RNF2: variants seen among roughly 807,000 people sequenced by gnomAD.
RNF2 encodes E3 ubiquitin-protein ligase RING2.
In RNF2, 6 loss-of-function variants were observed where a neutral mutation model predicts 37.2. The ratio of observed to expected loss-of-function variants is 0.16; its 90% CI spans 0.09 to 0.32. The LOEUF (loss-of-function observed/expected upper bound fraction) is 0.32. Ranked by LOEUF, RNF2 falls within the 10% of genes least tolerant of loss-of-function variation. The pLI is 1.00. For missense variants in RNF2, 251 were observed against 404.0 expected (o/e 0.62, Z 3.25); for synonymous variants, 133 against 132.7 (o/e 1.00, Z -0.02).
intron 1 of RNF2, among the ~76,000 whole-genome samples, chr1:185,062,893 A>G (rs1361544559): frequency 6.6e-6 from 1 of 152,126 alleles, no homozygotes; most frequent in Non-Finnish European, 1.5e-5. Context: ...AAAACAACAA[A>G]GAAGTATCAT....
At position 185,100,342 on chromosome 1, in the gene RNF2, C is replaced by G; in HGVS notation, c.*41C>G. 2 of 1,321,642 alleles carry G rather than the reference C, an allele frequency of 1.5e-6. No individual in the cohort carries two copies. Among genetic ancestry groups the G allele is most frequent in the South Asian group, 1.3e-5 (1 of 77,914 alleles). 81.9% of individuals were successfully genotyped at this position (1,321,642 alleles called of 1,614,324 possible). A position where few individuals can be genotyped will look rare whatever the true frequency, so the allele number is the denominator to read the frequency against. ...TTCTGAGACTGAACTTTTTTATAGCCTATTTCTTTAATATTAAAGATGTAC... is the reference window on the plus strand; with the variant it reads ...TTCTGAGACTGAACTTTTTTATAGCGTATTTCTTTAATATTAAAGATGTAC... On this transcript the variant is annotated 3_prime_UTR_variant, in exon 7 of 7. Transcript: ENST00000367510.
chr1:185,099,416 A>G (rs924482601), intron 5 of RNF2, among the ~76,000 whole-genome samples: 11 of 152,114 alleles, frequency 7.2e-5, no homozygotes, highest in African/African-American at 1.9e-4. Flanking sequence ...ATTTGCTTCT[A>G]TTCTGTTTCT....
chr1:185,086,350 A>G (rs1332625360), intron 1 of RNF2, among the ~76,000 whole-genome samples: 7 of 152,122 alleles, frequency 4.6e-5, no homozygotes, highest in South Asian at 2.1e-4. Flanking sequence ...TCTGTGTCCC[A>G]CAAGAGTGAG....
In RNF2 at chr1:185,063,953, A is replaced by G. The variant is rs189791802; in HGVS notation, c.-3+18304A>G. On this transcript the variant is annotated intron_variant, in intron 1 of 6. Transcript: ENST00000367510. ...CAGTTACATTGTGCCAAACCTGGAT[A>G]ATCCAGGATAATCTCCCCATCTTAA... is the stretch of plus-strand genomic sequence containing the variant. Among the ~76,000 whole-genome samples, 3 of 152,282 alleles carry G rather than the reference A, an allele frequency of 2.0e-5. No individual in the cohort carries two copies. In the East Asian group the frequency reaches 5.8e-4, roughly 29 times the overall value.
chr1:185,095,403 T>A (rs898748160), intron 4 of RNF2, among the ~76,000 whole-genome samples: 1 of 152,178 alleles, frequency 6.6e-6, no homozygotes, highest in African/African-American at 2.4e-5. Flanking sequence ...GGAACCTTCT[T>A]CCAAATAATC....
At chr1:185,059,469 C>T (rs900140537) in intron 1 of RNF2, among the ~76,000 whole-genome samples, 6 of 152,202 alleles carry the variant, frequency 3.9e-5, no homozygotes, top group African/African-American at 1.4e-4. Flanking sequence ...TTTTACGTAG[C>T]TGTCCTTGTA....
intron 1 of RNF2, among the ~76,000 whole-genome samples, chr1:185,048,015 C>A (rs1650166648): frequency 6.6e-6 from 1 of 152,102 alleles, no homozygotes; most frequent in Non-Finnish European, 1.5e-5. Context: ...ACAGTCCATT[C>A]CTTAAGGGTC....
chr1:185,068,937 G>A (rs929935645), intron 1 of RNF2, among the ~76,000 whole-genome samples: 1 of 152,052 alleles, frequency 6.6e-6, no homozygotes, highest in African/African-American at 2.4e-5. Flanking sequence ...ACATTTTTAG[G>A]TGCAGAACTC....
chr1:185,076,729 G>T (rs547603450), intron 1 of RNF2, among the ~76,000 whole-genome samples: 2 of 150,940 alleles, frequency 1.3e-5, no homozygotes, highest in Non-Finnish European at 2.9e-5. Flanking sequence ...TCACATATCT[G>T]TTTTTGAGCC....
intron 1 of RNF2, among the ~76,000 whole-genome samples, chr1:185,082,200 A>G (rs183434633): frequency 2.6e-4 from 39 of 152,276 alleles, no homozygotes; most frequent in African/African-American, 7.5e-4. Flanking sequence ...ACAACCATAG[A>G]ATGGTAGACA....
intron 1 of RNF2, among the ~76,000 whole-genome samples, chr1:185,047,425 C>T (rs1005485976): frequency 6.6e-6 from 1 of 152,148 alleles, no homozygotes; most frequent in Non-Finnish European, 1.5e-5. Context: ...AAATATAGAC[C>T]AGGTCAGCAA....
intron 1 of RNF2, among the ~76,000 whole-genome samples, chr1:185,059,516 A>G (rs1247624618): frequency 6.6e-6 from 1 of 152,248 alleles, no homozygotes; most frequent in Non-Finnish European, 1.5e-5. Flanking sequence ...TAATCACATT[A>G]CAAGTACTTC....
intron 1 of RNF2, among the ~76,000 whole-genome samples, chr1:185,061,129 T>TC (rs1491249204): frequency 1.8e-4 from 4 of 22,798 alleles, no homozygotes; most frequent in African/African-American, 1.7e-3. Flanking sequence ...TCTCTCTCTC[T>TC]TTTTTTTTTT....
At chr1:185,082,935 G>A (rs1393839164) in intron 1 of RNF2, among the ~76,000 whole-genome samples, 2 of 152,170 alleles carry the variant, frequency 1.3e-5, no homozygotes, top group African/African-American at 4.8e-5. Flanking sequence ...ATGTATTCCA[G>A]TATCAAATGG....
At chr1:185,097,213 G>C (rs1303301945) in intron 4 of RNF2, among the ~76,000 whole-genome samples, 1 of 152,176 alleles carries the variant, frequency 6.6e-6, no homozygotes, top group Non-Finnish European at 1.5e-5. Context: ...AAAGTGCCTT[G>C]CCCGGTAATT....
chr1:185,057,820 C>T (rs76775396), intron 1 of RNF2, among the ~76,000 whole-genome samples: 1 of 147,458 alleles, frequency 6.8e-6, no homozygotes, highest in South Asian at 2.1e-4. Flanking sequence ...AAAAAAAAAA[C>T]AGTAAAACAG....
chr1:185,056,716 G>A (rs1422865488), intron 1 of RNF2, among the ~76,000 whole-genome samples: 2 of 138,092 alleles, frequency 1.4e-5, no homozygotes, highest in Non-Finnish European at 3.2e-5. Flanking sequence ...TAATCCCTGT[G>A]TTCAATATGT....
At chr1:185,068,857 A>G (rs1409778434) in intron 1 of RNF2, among the ~76,000 whole-genome samples, 3 of 152,230 alleles carry the variant, frequency 2.0e-5, no homozygotes, top group African/African-American at 4.8e-5. Context: ...GCTCACTCAT[A>G]TTAAACTATA....
chr1:185,084,232 G>C (rs972149954), intron 1 of RNF2, among the ~76,000 whole-genome samples: 1 of 152,074 alleles, frequency 6.6e-6, no homozygotes, highest in Admixed American at 6.6e-5. Flanking sequence ...CTAGCTATCT[G>C]TTGGCTTTAA....
Sources: allele counts gnomAD v4.1 joint callset (sites outside exome capture counted in the v4.1 genomes callset), GRCh38; gene constraint gnomAD v4.1.1; transcripts MANE v1.5; gene names NCBI Gene and HGNC (gene_info 2026-07-23, HGNC 2026-07-21).